The following PLPP4 variants were observed in gnomAD, a reference collection of about 807,000 sequenced individuals.
PLPP4 encodes the protein phospholipid phosphatase 4, also known as diacylglycerol pyrophosphate like 2.
PLPP4 carries 20 observed loss-of-function variants against 32.2 expected under a neutral mutation model. That is an observed-to-expected ratio of 0.62 (90% CI 0.44 to 0.90). The LOEUF (loss-of-function observed/expected upper bound fraction) is 0.90, where lower values mean the gene tolerates loss of function less well. Among genes scored for constraint, PLPP4 ranks in the 40% least tolerant of loss-of-function variants. PLPP4 has a pLI of 0.00. For synonymous variants in PLPP4, 127 were observed against 133.0 expected (o/e 0.95, Z 0.31); for missense variants, 257 against 353.1 (o/e 0.73, Z 2.18).
chr10:120,515,313 C>G lies in PLPP4; in HGVS notation c.256+1312C>G, dbSNP rs148507147. On this transcript the variant is annotated intron_variant, in intron 3 of 6. Coordinates refer to ENST00000398250, the MANE Select transcript of PLPP4 (RefSeq NM_001030059.3). ...CTCATGACCACTGCAATGTGCCTTGCCTCTTCTCCTCACACTCCCAGCCTG... is the reference window on the plus strand; with the variant it reads ...CTCATGACCACTGCAATGTGCCTTGGCTCTTCTCCTCACACTCCCAGCCTG... Among the ~76,000 whole-genome samples the G allele has an allele frequency of 3.5e-3, 531 of 152,322 alleles. 2 individuals are homozygous for G. The highest frequency in any genetic ancestry group is 0.012 in the African/African-American group (501 of 41,562).
At position 120,521,994 on chromosome 10, in the gene PLPP4, G is replaced by A. The variant is rs537277470; in HGVS notation, c.445+899G>A. Among the ~76,000 whole-genome samples the A allele has an allele frequency of 7.2e-5, 11 of 152,276 alleles. No homozygotes were observed. In the East Asian group the frequency reaches 2.1e-3, roughly 29 times the overall value. ...CATTCATCAGTTCATATTGCATGGG[G>A]GATGCAAAGATAAATAAGATGCAGC... is the stretch of plus-strand genomic sequence containing the variant. On this transcript the variant is annotated intron_variant, in intron 5 of 6. Transcript: ENST00000398250.
At chr10:120,461,272 A>G (rs942234643) in intron 1 of PLPP4, among the ~76,000 whole-genome samples, 1 of 152,220 alleles carries the variant, frequency 6.6e-6, no homozygotes, top group Non-Finnish European at 1.5e-5. Context: ...CTAGGAATAC[A>G]CTGCTTTCTT....
chr10:120,579,106 C>T (rs1227730525), intron 6 of PLPP4, among the ~76,000 whole-genome samples: 1 of 152,172 alleles, frequency 6.6e-6, no homozygotes, highest in Non-Finnish European at 1.5e-5. Flanking sequence ...GGTGTTTGCT[C>T]CATCACTGGA....
chr10:120,585,241 G>T (rs927038976), intron 6 of PLPP4, among the ~76,000 whole-genome samples: 3 of 152,214 alleles, frequency 2.0e-5, no homozygotes, highest in Non-Finnish European at 4.4e-5. Context: ...CTAGTGAAGA[G>T]ATTCTTCATT....
chr10:120,457,398 G>T (rs1471134193), intron 1 of PLPP4, 37 bp downstream of exon 1: 3 of 1,517,734 alleles, frequency 2.0e-6, no homozygotes, highest in Non-Finnish European at 2.7e-6. Flanking sequence ...GCGCACTGAC[G>T]CGGGGGAACA....
At chr10:120,491,633 A>G (rs1844728570) in intron 1 of PLPP4, among the ~76,000 whole-genome samples, 1 of 152,204 alleles carries the variant, frequency 6.6e-6, no homozygotes, top group Admixed American at 6.5e-5. Context: ...TCAATGGCCA[A>G]TGGGCAAAGT....
At chr10:120,487,665 G>A (rs530916683) in intron 1 of PLPP4, among the ~76,000 whole-genome samples, 1 of 152,310 alleles carries the variant, frequency 6.6e-6, no homozygotes, top group Non-Finnish European at 1.5e-5. Flanking sequence ...CACCTGGAAT[G>A]TAGAAGGGGT....
At chr10:120,579,334 A>G (rs1849372592) in intron 6 of PLPP4, among the ~76,000 whole-genome samples, 1 of 152,154 alleles carries the variant, frequency 6.6e-6, no homozygotes, top group South Asian at 2.1e-4. Context: ...TGAAACATTC[A>G]TTTGTTCCCA....
At chr10:120,513,773 T>G in intron 2 of PLPP4, 138 bp from the exon 3 acceptor site, 1 of 710,152 alleles carries the variant, frequency 1.4e-6, no homozygotes, top group Non-Finnish European at 2.5e-6. Flanking sequence ...CCTTTTTTTT[T>G]TGTTTGTTTG....
rs74159439 is a variant in PLPP4 at position 120,579,696 on chromosome 10, T to C, written c.616+4395T>C. On this transcript the variant is annotated intron_variant, in intron 6 of 6. Coordinates refer to ENST00000398250, the MANE Select transcript of PLPP4 (RefSeq NM_001030059.3). ...TCTCTTGAGTTCTCCTTCCTTTTGT[T>C]ACTGATAAACCCAGTAGTCCCAAAG... Among the ~76,000 whole-genome samples the C allele has an allele frequency of 9.4e-3, 1,433 of 152,254 alleles. 33 individuals are homozygous for C. The highest frequency in any genetic ancestry group is 0.033 in the African/African-American group (1,376 of 41,538).
intron 1 of PLPP4, among the ~76,000 whole-genome samples, chr10:120,495,403 C>G (rs1322103387): frequency 6.6e-6 from 1 of 152,164 alleles, no homozygotes; most frequent in Non-Finnish European, 1.5e-5. Context: ...ACACCCACCC[C>G]TTGTTCCCAG....
At chr10:120,523,917 G>C (rs964803507) in intron 5 of PLPP4, among the ~76,000 whole-genome samples, 22 of 152,304 alleles carry the variant, frequency 1.4e-4, no homozygotes, top group African/African-American at 5.1e-4. Flanking sequence ...GAGGTTAGAA[G>C]CTGGACCCCA....
At chr10:120,489,587 C>T (rs1046539418) in intron 1 of PLPP4, among the ~76,000 whole-genome samples, 3 of 152,158 alleles carry the variant, frequency 2.0e-5, no homozygotes, top group African/African-American at 7.2e-5. Flanking sequence ...TTGCCTTGTC[C>T]AAAGTGGGCA....
intron 5 of PLPP4, among the ~76,000 whole-genome samples, chr10:120,537,325 T>C (rs1238479584): frequency 6.6e-6 from 1 of 152,150 alleles, no homozygotes; most frequent in Non-Finnish European, 1.5e-5. Context: ...ATGTGATAGA[T>C]ATAGATAAAC....
intron 5 of PLPP4, among the ~76,000 whole-genome samples, chr10:120,554,595 C>G (rs1229804131): frequency 6.6e-6 from 1 of 152,152 alleles, no homozygotes; most frequent in Non-Finnish European, 1.5e-5. Flanking sequence ...AAAGAACTAC[C>G]TGAGACTGGG....
chr10:120,584,233 G>A (rs757024949), intron 6 of PLPP4, among the ~76,000 whole-genome samples: 2 of 152,124 alleles, frequency 1.3e-5, no homozygotes, highest in African/African-American at 4.8e-5. Context: ...CTTAGCCTGA[G>A]GGTCATGTCC....
At chr10:120,466,302 G>C (rs1376919611) in intron 1 of PLPP4, among the ~76,000 whole-genome samples, 1 of 151,798 alleles carries the variant, frequency 6.6e-6, no homozygotes, top group Non-Finnish European at 1.5e-5. Context: ...ATATGTACAA[G>C]AAATTACAAA....
chr10:120,499,704 G>C (rs763706940), intron 1 of PLPP4, among the ~76,000 whole-genome samples: 9 of 152,234 alleles, frequency 5.9e-5, no homozygotes, highest in African/African-American at 1.4e-4. Flanking sequence ...TGAACCTGCT[G>C]TCTCTGTATC....
intron 3 of PLPP4, 138 bp downstream of exon 3, chr10:120,514,139 GA>G: frequency 1.4e-6 from 1 of 737,006 alleles, no homozygotes; most frequent in Non-Finnish European, 2.4e-6. Flanking sequence ...ATAAGATAAA[GA>G]TAAACTTTAA....
Sources: gnomAD v4.1 joint callset for allele counts (sites outside exome capture counted in the v4.1 genomes callset) on GRCh38, gnomAD v4.1.1 for gene constraint, MANE v1.5 for transcripts, NCBI Gene and HGNC (gene_info 2026-07-23, HGNC 2026-07-21) for gene names.